The following SPOCK3 variants were observed in gnomAD, a reference collection of about 807,000 sequenced individuals.
SPOCK3 encodes testican-3.
SPOCK3 carries 30 observed loss-of-function variants against 56.6 expected under a neutral mutation model. The ratio of observed to expected loss-of-function variants is 0.53; its 90% CI spans 0.40 to 0.72. The LOEUF (loss-of-function observed/expected upper bound fraction) is 0.72. Among genes scored for constraint, SPOCK3 ranks in the 30% least tolerant of loss-of-function variants. SPOCK3 has a pLI of 0.00. For synonymous variants in SPOCK3, 196 were observed against 183.3 expected, an observed-to-expected ratio of 1.07 and a Z score of -0.56; for missense variants, 527 against 530.0, an observed-to-expected ratio of 0.99 and a Z score of 0.06.
intron 2 of SPOCK3, among the ~76,000 whole-genome samples, chr4:167,212,340 C>T (rs1734956042): frequency 1.3e-5 from 2 of 151,686 alleles, no homozygotes; most frequent in Non-Finnish European, 2.9e-5. Flanking sequence ...CTTCCAGTTG[C>T]AAGAGAATTT....
At chr4:166,950,808 A>C (rs562416887) in intron 4 of SPOCK3, among the ~76,000 whole-genome samples, 25 of 149,776 alleles carry the variant, frequency 1.7e-4, no homozygotes, top group South Asian at 8.4e-4. Context: ...ACTACATGGA[A>C]ACTGAACAAC....
At chr4:167,184,249 A>G (rs1731759978) in intron 2 of SPOCK3, among the ~76,000 whole-genome samples, 1 of 152,204 alleles carries the variant, frequency 6.6e-6, no homozygotes, top group Admixed American at 6.5e-5. Flanking sequence ...AAGAGAATAT[A>G]TCACTAAATT....
chr4:167,061,399 CACAA>C (rs1295728133), intron 3 of SPOCK3, among the ~76,000 whole-genome samples: 9 of 151,896 alleles, frequency 5.9e-5, no homozygotes, highest in South Asian at 2.1e-4. Flanking sequence ...ATGCTGATCT[CACAA>C]ACAAACACTG....
intron 2 of SPOCK3, among the ~76,000 whole-genome samples, chr4:167,133,115 C>A (rs1762832292): frequency 1.3e-5 from 2 of 152,090 alleles, no homozygotes; most frequent in South Asian, 4.1e-4. Flanking sequence ...TGTTATATTA[C>A]AATGCAAATG....
intron 6 of SPOCK3, among the ~76,000 whole-genome samples, chr4:166,821,061 T>C (rs757520015): frequency 6.6e-6 from 1 of 151,920 alleles, no homozygotes; most frequent in Admixed American, 6.6e-5. Flanking sequence ...TATCTGATAA[T>C]GAACTGCCAG....
intron 7 of SPOCK3, among the ~76,000 whole-genome samples, chr4:166,790,072 A>G (rs1490456277): frequency 4.6e-5 from 7 of 152,152 alleles, no homozygotes; most frequent in Non-Finnish European, 1.0e-4. Flanking sequence ...TACACAATGT[A>G]GTATATTGAT....
At chr4:167,185,565 C>T (rs1259668539) in intron 2 of SPOCK3, among the ~76,000 whole-genome samples, 2 of 152,140 alleles carry the variant, frequency 1.3e-5, no homozygotes, top group African/African-American at 4.8e-5. Context: ...AGTCAAGTTT[C>T]CCTGTATAAA....
intron 4 of SPOCK3, among the ~76,000 whole-genome samples, chr4:166,997,762 A>G (rs1748539198): frequency 6.6e-6 from 1 of 152,186 alleles, no homozygotes; most frequent in Admixed American, 6.6e-5. Flanking sequence ...GATATATTGT[A>G]TTGGGAAGAG....
At chr4:167,099,316 T>A (rs185043513) in intron 2 of SPOCK3, among the ~76,000 whole-genome samples, 1,845 of 152,082 alleles carry the variant, frequency 0.012, 22 homozygotes, top group Non-Finnish European at 0.018. Context: ...ATATAGCAGA[T>A]CTAACAGCAT....
At chr4:167,127,714 C>T (rs1762396411) in intron 2 of SPOCK3, among the ~76,000 whole-genome samples, 1 of 152,170 alleles carries the variant, frequency 6.6e-6, no homozygotes, top group South Asian at 2.1e-4. Context: ...AGGCGTGAGC[C>T]ACCATGCACA....
At chr4:166,908,785 A>G (rs1736914640) in intron 5 of SPOCK3, among the ~76,000 whole-genome samples, 1 of 152,052 alleles carries the variant, frequency 6.6e-6, no homozygotes, top group South Asian at 2.1e-4. Flanking sequence ...AGTGGGAAAT[A>G]CATCCATGAT....
intron 6 of SPOCK3, among the ~76,000 whole-genome samples, chr4:166,808,723 C>T (rs904114506): frequency 6.6e-6 from 1 of 152,112 alleles, no homozygotes; most frequent in African/African-American, 2.4e-5. Flanking sequence ...GTTTCTCCAA[C>T]ATTTTCAGTG....
chr4:167,176,395 C>T (rs765940905), intron 2 of SPOCK3, among the ~76,000 whole-genome samples: 2 of 152,136 alleles, frequency 1.3e-5, no homozygotes, highest in Non-Finnish European at 2.9e-5. Flanking sequence ...CTTAAGTTCT[C>T]ACCAACTACT....
At chr4:166,889,379 TACTA>T in intron 5 of SPOCK3, 135 bp from the exon 6 acceptor site, 4 of 602,692 alleles carry the variant, frequency 6.6e-6, no homozygotes, top group Non-Finnish European at 1.2e-5. Flanking sequence ...ACGTCTCCAA[TACTA>T]AAGTGCAATA....
At chr4:166,789,826 C>A (rs1386718733) in intron 7 of SPOCK3, among the ~76,000 whole-genome samples, 2 of 152,124 alleles carry the variant, frequency 1.3e-5, no homozygotes, top group Non-Finnish European at 2.9e-5. Context: ...TCATGTCTTG[C>A]TGGTAAAAAT....
chr4:167,146,501 A>T (rs528745964), intron 2 of SPOCK3, among the ~76,000 whole-genome samples: 2 of 152,154 alleles, frequency 1.3e-5, no homozygotes, highest in Non-Finnish European at 2.9e-5. Flanking sequence ...AAATCAACAG[A>T]ATATACATTC....
chr4:166,826,331 C>A (rs947660526), intron 6 of SPOCK3, among the ~76,000 whole-genome samples: 1 of 151,970 alleles, frequency 6.6e-6, no homozygotes. Context: ...ATTGAAGGTG[C>A]TTTAAAAGTA....
At chr4:167,217,993 G>A (rs1185931218) in intron 2 of SPOCK3, among the ~76,000 whole-genome samples, 1 of 151,786 alleles carries the variant, frequency 6.6e-6, no homozygotes, top group African/African-American at 2.4e-5. Context: ...TCACAGTATA[G>A]TCCAAAAATA....
At chr4:167,138,698 A>G (rs964920957) in intron 2 of SPOCK3, among the ~76,000 whole-genome samples, 1 of 152,000 alleles carries the variant, frequency 6.6e-6, no homozygotes, top group Non-Finnish European at 1.5e-5. Context: ...TCCCACTGAT[A>G]AGAAAGAGTT....
Sources: allele counts gnomAD v4.1 joint callset (sites outside exome capture counted in the v4.1 genomes callset), GRCh38; gene constraint gnomAD v4.1.1; transcripts MANE v1.5; gene names NCBI Gene and HGNC (gene_info 2026-07-23, HGNC 2026-07-21).